The following M1AP variants were observed in gnomAD, a reference collection of about 807,000 sequenced individuals.
M1AP encodes meiosis 1 arrest protein.
A neutral mutation model predicts 51.2 loss-of-function variants in M1AP; 39 were observed. The ratio of observed to expected loss-of-function variants is 0.76; its 90% confidence interval spans 0.59 to 1.00. M1AP has a LOEUF of 1.00. Ranked by LOEUF, M1AP falls within the 50% of genes least tolerant of loss-of-function variation. The probability of loss-of-function intolerance (pLI) is 0.00; values close to 1 mark genes in which losing one functional copy is unlikely to be tolerated. For synonymous variants in M1AP, 251 were observed against 249.2 expected, an observed-to-expected ratio of 1.01 and a Z score of -0.07; for missense variants, 545 against 641.2, an observed-to-expected ratio of 0.85 and a Z score of 1.62.
intron 5 of M1AP, among the ~76,000 whole-genome samples, chr2:74,578,770 C>T (rs890728058): frequency 6.6e-6 from 1 of 152,152 alleles, no homozygotes; most frequent in African/African-American, 2.4e-5. Flanking sequence ...AGATAGAGAA[C>T]CTTGTAAGAA....
intron 2 of M1AP, among the ~76,000 whole-genome samples, chr2:74,629,220 A>G (rs1682568087): frequency 6.6e-6 from 1 of 152,216 alleles, no homozygotes; most frequent in African/African-American, 2.4e-5. Flanking sequence ...AAATTATATT[A>G]ATAGATTTTC....
chr2:74,559,107 C>G (rs539514654), intron 10 of M1AP, among the ~76,000 whole-genome samples: 2 of 152,324 alleles, frequency 1.3e-5, no homozygotes, highest in South Asian at 4.1e-4. Flanking sequence ...GTGGTAGCCT[C>G]TGCTCCTACC....
At position 74,617,613 on chromosome 2, in the gene M1AP, A is replaced by G. The variant is rs573396918; in HGVS notation, c.241-2464T>C. 3.3e-5 allele frequency among the ~76,000 whole-genome samples: 5 copies of G among 152,292 alleles called. No individual in the cohort carries two copies. The South Asian group carries it at 8.3e-4, about 25-fold the overall frequency. ...ACCTGGATGATGAAATAATCTGTACAACAAACCCCCATGACACAAGTTTAC... is the reference window on the plus strand; with the variant it reads ...ACCTGGATGATGAAATAATCTGTACGACAAACCCCCATGACACAAGTTTAC... On this transcript the variant is annotated intron_variant, in intron 2 of 10. Transcript: ENST00000421985.
chr2:74,641,525 T>A (rs1460452325), intron 1 of M1AP, among the ~76,000 whole-genome samples: 1 of 152,180 alleles, frequency 6.6e-6, no homozygotes, highest in Non-Finnish European at 1.5e-5. Context: ...GAAACCTAAA[T>A]AGTCTATAAT....
At chr2:74,632,886 G>T in intron 2 of M1AP, among the ~76,000 whole-genome samples, 1 of 152,202 alleles carries the variant, frequency 6.6e-6, no homozygotes, top group South Asian at 2.1e-4. Flanking sequence ...CAAATGTACT[G>T]AGGAGTGCCA....
chr2:74,560,429 C>G, intron 8 of M1AP, 138 bp from the exon 9 acceptor site: 1 of 867,270 alleles, frequency 1.2e-6, no homozygotes, highest in South Asian at 1.8e-5. Context: ...GAAATAGATG[C>G]TGTCCCCCTG....
At chr2:74,622,822 T>C (rs1263500217) in intron 2 of M1AP, among the ~76,000 whole-genome samples, 1 of 151,474 alleles carries the variant, frequency 6.6e-6, no homozygotes, top group Admixed American at 6.6e-5. Context: ...GGCAAAAATA[T>C]GCACGATGAG....
intron 1 of M1AP, 59 bp downstream of exon 1, chr2:74,648,206 C>T: frequency 1.0e-6 from 1 of 961,302 alleles, no homozygotes; most frequent in Non-Finnish European, 1.2e-6. Context: ...GCCCAGCCTG[C>T]GAAGTGGTGC....
At chr2:74,628,443 T>C (rs547357222) in intron 2 of M1AP, 8 of 396,440 alleles carry the variant, frequency 2.0e-5, no homozygotes, top group South Asian at 1.4e-4. Context: ...ACCATATAGG[T>C]TGGCATCTGC....
chr2:74,605,767 G>A (rs1273328051), intron 4 of M1AP, among the ~76,000 whole-genome samples: 1 of 152,054 alleles, frequency 6.6e-6, no homozygotes, highest in Non-Finnish European at 1.5e-5. Context: ...TGGGCTTGGT[G>A]GCGGGTGCCT....
At chr2:74,611,056 G>A (rs182966356) in intron 3 of M1AP, among the ~76,000 whole-genome samples, 3 of 152,232 alleles carry the variant, frequency 2.0e-5, no homozygotes, top group Admixed American at 2.0e-4. Flanking sequence ...TTATCTTTTT[G>A]ATGTGCTATT....
At position 74,561,854 on chromosome 2, in the gene M1AP, C is replaced by A. The variant is rs1416465881; in HGVS notation, c.1281+363G>T. 6.1e-6 allele frequency: 6 copies of A among 980,750 alleles called. No homozygotes were observed. In the African/African-American group the frequency reaches 1.0e-4, roughly 17 times the overall value. The allele number at this position is 980,750 out of a possible 1,614,324, so 60.8% of individuals were successfully genotyped here. A position where few individuals can be genotyped will look rare whatever the true frequency, so the allele number is the denominator to read the frequency against. ...GACATCAGGTTTCCACTCTGTGATG[C>A]TCCCTTTTCTCCTTCACAGCCACCC... On this transcript the variant is annotated intron_variant, in intron 8 of 10. Transcript: ENST00000421985.
intron 4 of M1AP, 30 bp from the exon 5 acceptor site, chr2:74,581,877 C>G: frequency 6.4e-7 from 1 of 1,574,660 alleles, no homozygotes; most frequent in East Asian, 2.3e-5. Context: ...AAAGTGTTCA[C>G]TTAGATTGTA....
At chr2:74,564,037 A>G (rs1465221908) in intron 7 of M1AP, among the ~76,000 whole-genome samples, 1 of 152,214 alleles carries the variant, frequency 6.6e-6, no homozygotes, top group Non-Finnish European at 1.5e-5. Context: ...GCTACATAAG[A>G]TAGAAGAAAA....
chr2:74,578,658 A>T (rs1285557566), intron 5 of M1AP, among the ~76,000 whole-genome samples: 1 of 151,964 alleles, frequency 6.6e-6, no homozygotes, highest in Non-Finnish European at 1.5e-5. Context: ...AAGAAAAGAA[A>T]CTCATGTGTA....
intron 10 of M1AP, 87 bp downstream of exon 10, chr2:74,559,611 T>C (rs1046375421): frequency 1.4e-6 from 1 of 711,808 alleles, no homozygotes. Flanking sequence ...CCCAACTGTC[T>C]TCAACCCCAG....
intron 1 of M1AP, 128 bp downstream of exon 1, chr2:74,648,137 G>A (rs1358081693): frequency 1.0e-6 from 1 of 971,444 alleles, no homozygotes; most frequent in Middle Eastern, 5.3e-4. Flanking sequence ...GCCGGCACCC[G>A]CCACGGCCAG....
chr2:74,629,413 G>A (rs1682577122), intron 2 of M1AP, among the ~76,000 whole-genome samples: 1 of 152,148 alleles, frequency 6.6e-6, no homozygotes, highest in Admixed American at 6.5e-5. Context: ...GACCTCATGT[G>A]ATGGGTTGCA....
chr2:74,575,204 A>G (rs1036795592), intron 7 of M1AP: 3 of 773,802 alleles, frequency 3.9e-6, no homozygotes, highest in East Asian at 1.3e-4. Flanking sequence ...AAGCTTGCCA[A>G]TCGGGGATTT....
Sources: allele counts gnomAD v4.1 joint callset (sites outside exome capture counted in the v4.1 genomes callset), GRCh38; gene constraint gnomAD v4.1.1; transcripts MANE v1.5; gene names NCBI Gene and HGNC (gene_info 2026-07-23, HGNC 2026-07-21).